SFMBT2: variants seen among roughly 807,000 people sequenced by gnomAD.
The protein encoded by SFMBT2 is Scm like with four mbt domains 2.
In SFMBT2, 38 loss-of-function variants were observed where a neutral mutation model predicts 110.1. The observed-to-expected ratio is 0.35, with a 90% CI of 0.27 to 0.45. SFMBT2 has a LOEUF of 0.45. SFMBT2 is among the 20% of genes least tolerant of loss of function. The pLI is 1.00. For missense variants in SFMBT2, 1,011 were observed against 1,094.9 expected (o/e 0.92, Z 1.08); for synonymous variants, 425 against 425.4 (o/e 1.00, Z 0.01).
rs1056521815 is a variant in SFMBT2, at chr10:7,171,172, C to G, written c.2416-116G>C. ...CGGAAGCCACTGCCTCCCTTTGCTC[C>G]CTCACTGGGCACCTGAAAAAGCTGC... is the stretch of plus-strand genomic sequence containing the variant. On this transcript the variant is annotated intron_variant, in intron 19 of 20. Coordinates refer to ENST00000397167, the MANE Select transcript of SFMBT2 (RefSeq NM_001387889.1). The surrounding 1 kb of genome is among the most constrained non-coding windows in gnomAD (Gnocchi z 4.9). The G allele has an allele frequency of 6.0e-5, 92 of 1,532,888 alleles. No individual in the cohort carries two copies. Among genetic ancestry groups the G allele is most frequent in the Non-Finnish European group, 8.1e-5 (91 of 1,127,140 alleles). The allele number at this position is 1,532,888 out of a possible 1,614,324, so 95.0% of individuals were successfully genotyped here.
At chr10:7,246,359 T>C (rs1183449944) in intron 8 of SFMBT2, among the ~76,000 whole-genome samples, 1 of 151,886 alleles carries the variant, frequency 6.6e-6, no homozygotes, top group African/African-American at 2.4e-5. Context: ...TTAATTTTGA[T>C]TAGTAGACAC....
intron 4 of SFMBT2, among the ~76,000 whole-genome samples, chr10:7,303,774 C>T (rs191255217): frequency 6.6e-6 from 1 of 152,214 alleles, no homozygotes; most frequent in Admixed American, 6.5e-5. Flanking sequence ...AAGGGAGAAG[C>T]AATATTTCAT....
At chr10:7,309,324 T>C (rs1045520529) in intron 4 of SFMBT2, among the ~76,000 whole-genome samples, 2 of 152,212 alleles carry the variant, frequency 1.3e-5, no homozygotes, top group African/African-American at 4.8e-5. Flanking sequence ...GTTCACATAA[T>C]CCATGTCAGA....
chr10:7,334,219 TC>T (rs2131967817), intron 4 of SFMBT2, among the ~76,000 whole-genome samples: 1 of 152,118 alleles, frequency 6.6e-6, no homozygotes, highest in Admixed American at 6.5e-5. Context: ...CACCGTCACA[TC>T]CACCTGGCCT....
rs1203495101 is a variant in SFMBT2, at chr10:7,367,068, CT to C, written c.436+580del. Among the ~76,000 whole-genome samples the C allele has an allele frequency of 5.8e-3, 828 of 143,054 alleles. 5 individuals carry two copies. Among genetic ancestry groups the C allele is most frequent in the African/African-American group, 0.012 (486 of 39,272 alleles). 93.8% of individuals were successfully genotyped at this position (143,054 alleles called of 152,430 possible). A position where few individuals can be genotyped will look rare whatever the true frequency, so the allele number is the denominator to read the frequency against. On this transcript the variant is annotated intron_variant, in intron 4 of 20. Transcript: ENST00000397167. This position sits in a 1 kb window ranked among gnomAD's most constrained non-coding sequence, Gnocchi z 6.2. Reference sequence around the variant, plus strand: ...CTCATCTGTATGGTTTTCTTTCTTTCTTTTTTTTTTTTTAATTATACCTTAA... The same window carrying C: ...CTCATCTGTATGGTTTTCTTTCTTTCTTTTTTTTTTTTAATTATACCTTAA...
chr10:7,383,785 C>T (rs1287611595), intron 1 of SFMBT2, among the ~76,000 whole-genome samples: 1 of 152,138 alleles, frequency 6.6e-6, no homozygotes, highest in African/African-American at 2.4e-5. Context: ...AATGAGGGCA[C>T]AAGGTTTGAG....
chr10:7,333,604 C>T (rs544454338), intron 4 of SFMBT2, among the ~76,000 whole-genome samples: 16 of 151,700 alleles, frequency 1.1e-4, no homozygotes, highest in African/African-American at 2.2e-4. Flanking sequence ...TATTTTCTCA[C>T]GCTGCTAATA....
At chr10:7,237,791 T>C (rs1045606112) in intron 9 of SFMBT2, among the ~76,000 whole-genome samples, 1 of 152,204 alleles carries the variant, frequency 6.6e-6, no homozygotes, top group Non-Finnish European at 1.5e-5. Context: ...GTGTATTATA[T>C]GATAAGGTCT....
At position 7,403,725 on chromosome 10, in the gene SFMBT2, T is replaced by G. The variant is rs139007139; in HGVS notation, c.-52+7136A>C. Among the ~76,000 whole-genome samples, 591 of 152,318 alleles carry G rather than the reference T, an allele frequency of 3.9e-3. 5 individuals are homozygous for G. The highest frequency in any genetic ancestry group is 0.013 in the African/African-American group (552 of 41,558). ...GTAAGCAATCAAGAGGTTACAATCT[T>G]AAGACAATGTATAAGACTAGGATTT... On this transcript the variant is annotated intron_variant, in intron 1 of 20. Transcript: ENST00000397167.
At chr10:7,267,136 G>A (rs1320611115) in intron 7 of SFMBT2, among the ~76,000 whole-genome samples, 1 of 152,150 alleles carries the variant, frequency 6.6e-6, no homozygotes. Flanking sequence ...CCTGAGCACT[G>A]AGTGTCTAAG....
At position 7,358,204 on chromosome 10, in the gene SFMBT2, T is replaced by C. The variant is rs568769753; in HGVS notation, c.436+9445A>G. 9.5e-5 allele frequency among the ~76,000 whole-genome samples: 13 copies of C among 136,424 alleles called. No individual in the cohort carries two copies. The South Asian group carries it at 2.8e-3, about 29-fold the overall frequency. The allele number at this position is 136,424 out of a possible 152,430, so 89.5% of individuals were successfully genotyped here. On this transcript the variant is annotated intron_variant, in intron 4 of 20. Transcript: ENST00000397167. ...TCAACATGGCCCTAGAACATCTGCA[T>C]GGCCCTGGAATGGAGGCACTGCCCT...
chr10:7,360,501 T>C (rs1429189654), intron 4 of SFMBT2, among the ~76,000 whole-genome samples: 3 of 152,000 alleles, frequency 2.0e-5, no homozygotes, highest in African/African-American at 4.8e-5. Context: ...GTGTGTGGCA[T>C]ATTGTGAGTA....
chr10:7,347,957 T>G (rs1302247458), intron 4 of SFMBT2, among the ~76,000 whole-genome samples: 3 of 152,218 alleles, frequency 2.0e-5, no homozygotes, highest in Non-Finnish European at 4.4e-5. Flanking sequence ...GATCTAAAAT[T>G]AATTTTGATG....
At chr10:7,260,277 C>G (rs1351949751) in intron 7 of SFMBT2, among the ~76,000 whole-genome samples, 1 of 152,170 alleles carries the variant, frequency 6.6e-6, no homozygotes, top group Non-Finnish European at 1.5e-5. Context: ...CCTACTCGAC[C>G]TGGTATAAAC....
At chr10:7,399,421 G>A (rs1160451026) in intron 1 of SFMBT2, among the ~76,000 whole-genome samples, 5 of 151,806 alleles carry the variant, frequency 3.3e-5, no homozygotes, top group East Asian at 1.9e-4. Context: ...TAGTAGAGAC[G>A]GGGTTTCACC....
intron 8 of SFMBT2, among the ~76,000 whole-genome samples, chr10:7,246,718 C>A (rs1428349481): frequency 2.0e-3 from 145 of 72,106 alleles, no homozygotes; most frequent in South Asian, 4.9e-3. Flanking sequence ...GACTCCATCT[C>A]AAAAAAAAAA....
intron 17 of SFMBT2, among the ~76,000 whole-genome samples, chr10:7,173,303 G>A (rs377173670): frequency 2.0e-5 from 3 of 152,312 alleles, no homozygotes; most frequent in African/African-American, 7.2e-5. Flanking sequence ...ATCCACCGGA[G>A]TGCTCTGACA....
intron 4 of SFMBT2, among the ~76,000 whole-genome samples, chr10:7,333,216 C>T (rs1018042843): frequency 6.6e-6 from 1 of 152,074 alleles, no homozygotes; most frequent in Admixed American, 6.6e-5. Context: ...GCTTTATCAA[C>T]TTGAGAGATA....
chr10:7,219,201 T>C (rs2692807), intron 11 of SFMBT2, among the ~76,000 whole-genome samples: 90,709 of 152,102 alleles, frequency 0.6, 27,315 homozygotes, highest in East Asian at 0.87. Context: ...GCTGTGAAAA[T>C]AAAGCCATGT....
Sources: gnomAD v4.1 joint callset for allele counts (sites outside exome capture counted in the v4.1 genomes callset) on GRCh38, gnomAD v4.1.1 for gene constraint, Gnocchi (gnomAD v3.1) non-coding constraint, MANE v1.5 for transcripts, NCBI Gene and HGNC (gene_info 2026-07-23, HGNC 2026-07-21) for gene names.